SCN2A: variants seen among roughly 807,000 people sequenced by gnomAD.
SCN2A encodes the protein sodium channel protein type 2 subunit alpha.
In SCN2A, 20 loss-of-function variants were observed where a neutral mutation model predicts 188.7. The ratio of observed to expected loss-of-function variants is 0.11; its 90% confidence interval spans 0.07 to 0.15. SCN2A has a LOEUF of 0.15. Among genes scored for constraint, SCN2A ranks in the 10% least tolerant of loss-of-function variants. The probability of loss-of-function intolerance (pLI) is 1.00; values close to 1 mark genes in which losing one functional copy is unlikely to be tolerated. For synonymous variants in SCN2A, 804 were observed against 833.1 expected (o/e 0.97, Z 0.60); for missense variants, 1,278 against 2,445.0 (o/e 0.52, Z 10.07).
intron 1 of SCN2A, among the ~76,000 whole-genome samples, chr2:165,252,795 A>G (rs1574440386): frequency 6.6e-6 from 1 of 151,854 alleles, no homozygotes; most frequent in Non-Finnish European, 1.5e-5. Flanking sequence ...TAAGGGTGGT[A>G]TGATCTGACA....
At chr2:165,298,970 ATCTT>A (rs990468447) in intron 3 of SCN2A, among the ~76,000 whole-genome samples, 3 of 152,182 alleles carry the variant, frequency 2.0e-5, no homozygotes, top group African/African-American at 7.2e-5. Flanking sequence ...ATCAGAAAAA[ATCTT>A]TCTTGTCGTG....
Position 165,353,861 on chromosome 2 carries a change from C to T in SCN2A, c.2920-331C>T, listed in dbSNP as rs192852373. On this transcript the variant is annotated intron_variant, in intron 16 of 26. Coordinates refer to ENST00000375437, the MANE Select transcript of SCN2A (RefSeq NM_001040142.2). ...TGAGACTTGGGAGGGGGCAAATGTC[C>T]AAAATATATCAGCATCCCAAATAAA... Among the ~76,000 whole-genome samples, 356 of 152,122 alleles carry T rather than the reference C, an allele frequency of 2.3e-3. 1 individual carries two copies. Among genetic ancestry groups the T allele is most frequent in the Non-Finnish European group, 4.5e-3 (304 of 67,992 alleles).
At chr2:165,387,798 T>C (rs1401717890) in intron 26 of SCN2A, among the ~76,000 whole-genome samples, 1 of 152,114 alleles carries the variant, frequency 6.6e-6, no homozygotes, top group Non-Finnish European at 1.5e-5. Context: ...AACTACTTTC[T>C]TTAGTCGAAT....
chr2:165,345,468 A>G (rs1699527234), intron 16 of SCN2A, among the ~76,000 whole-genome samples: 1 of 151,912 alleles, frequency 6.6e-6, no homozygotes, highest in Non-Finnish European at 1.5e-5. Flanking sequence ...ACCATTATGT[A>G]GTGTCTTTCT....
intron 22 of SCN2A, among the ~76,000 whole-genome samples, chr2:165,375,337 T>C (rs1440582411): frequency 6.6e-6 from 1 of 151,672 alleles, no homozygotes; most frequent in African/African-American, 2.4e-5. Flanking sequence ...AACAACCTAA[T>C]TGTCCATCAA....
intron 1 of SCN2A, chr2:165,267,828 G>A (rs1023475041): frequency 6.6e-6 from 1 of 151,822 alleles, no homozygotes; most frequent in African/African-American, 2.4e-5. Context: ...CATACAAATG[G>A]CCAACAAGTG....
rs1697695215 is a variant in SCN2A, at chr2:165,315,536, T to C, written c.1449T>C (p.Phe483=). The stretch of plus-strand genomic sequence containing the variant: ...GTGGTGCTGGTGGGATAGGAGTTTT[T>C]TCAGAGAGTTCTTCAGTAGCATCTA... ...DFSGAGGIGV[F]SESSSVASKL... is the part of the protein sequence containing the mutation. The change falls in exon 11 of 27, where the codon TTT becomes TTC. Residue 483 remains phenylalanine (F), a synonymous_variant. Transcript: ENST00000375437. 6.2e-7 allele frequency: 1 copy of C among 1,613,950 alleles called. No homozygotes were observed. Among genetic ancestry groups the C allele is most frequent in the African/African-American group, 1.3e-5 (1 of 74,918 alleles).
At chr2:165,278,579 G>A (rs959228295) in intron 1 of SCN2A, among the ~76,000 whole-genome samples, 11 of 152,246 alleles carry the variant, frequency 7.2e-5, no homozygotes, top group South Asian at 6.2e-4. Context: ...TACCATTTAA[G>A]ATGAGATTTG....
At chr2:165,383,220 C>T (rs1297719300) in intron 25 of SCN2A, among the ~76,000 whole-genome samples, 1 of 151,930 alleles carries the variant, frequency 6.6e-6, no homozygotes, top group Non-Finnish European at 1.5e-5. Context: ...GGGATACTTT[C>T]AGCTGTGAGA....
intron 17 of SCN2A, among the ~76,000 whole-genome samples, chr2:165,364,243 T>C (rs1439083540): frequency 6.6e-6 from 1 of 152,184 alleles, no homozygotes; most frequent in East Asian, 1.9e-4. Context: ...ACTACTCTGA[T>C]TCCTGTGTGG....
chr2:165,383,629 C>G (rs1484805886), intron 25 of SCN2A, among the ~76,000 whole-genome samples: 1 of 152,094 alleles, frequency 6.6e-6, no homozygotes, highest in East Asian at 1.9e-4. Context: ...TGTTTTGGAG[C>G]TATTTCAGAG....
At chr2:165,291,044 T>C (rs1488546077) in intron 1 of SCN2A, among the ~76,000 whole-genome samples, 4 of 135,336 alleles carry the variant, frequency 3.0e-5, no homozygotes, top group Admixed American at 1.5e-4. Context: ...TCTTTTTTTT[T>C]TTTTTTTTTT....
In SCN2A at chr2:165,257,034, C is replaced by A. The variant is rs949185376; in HGVS notation, c.-52+17394C>A. Among the ~76,000 whole-genome samples the A allele has an allele frequency of 3.3e-5, 5 of 152,048 alleles. No individual in the cohort carries two copies. The East Asian group carries it at 5.8e-4, about 18-fold the overall frequency. ...TACAGTGGCCTAAGGAAACTAAGAA[C>A]CAATCACAGCAGAGTTTGTGTAGGT... is the stretch of plus-strand genomic sequence containing the variant. On this transcript the variant is annotated intron_variant, in intron 1 of 26. Transcript: ENST00000375437.
intron 3 of SCN2A, among the ~76,000 whole-genome samples, chr2:165,307,166 G>A (rs921718107): frequency 2.6e-5 from 4 of 152,084 alleles, no homozygotes; most frequent in Admixed American, 1.3e-4. Flanking sequence ...ACGCACTAGG[G>A]CCATTAAGTT....
intron 19 of SCN2A, among the ~76,000 whole-genome samples, 153 bp from the exon 20 acceptor site, chr2:165,369,973 C>T (rs545735408): frequency 6.6e-6 from 1 of 152,248 alleles, no homozygotes; most frequent in Non-Finnish European, 1.5e-5. Context: ...CATTTATGAT[C>T]AGATAATGAT....
chr2:165,359,402 T>C (rs1309924614), intron 17 of SCN2A, among the ~76,000 whole-genome samples: 2 of 152,088 alleles, frequency 1.3e-5, no homozygotes, highest in Admixed American at 6.6e-5. Context: ...ATTTCCTGTT[T>C]AGAAAGATAC....
intron 17 of SCN2A, among the ~76,000 whole-genome samples, chr2:165,363,359 C>G (rs1700561345): frequency 6.6e-6 from 1 of 152,062 alleles, no homozygotes; most frequent in Non-Finnish European, 1.5e-5. Flanking sequence ...CAGTGTGAAC[C>G]TTATTCTTAT....
chr2:165,287,769 G>T (rs1156728135), intron 1 of SCN2A, among the ~76,000 whole-genome samples: 2 of 152,124 alleles, frequency 1.3e-5, no homozygotes, highest in African/African-American at 4.8e-5. Flanking sequence ...TGGAAGTGCA[G>T]CAGGCAGGTG....
Position 165,309,390 on chromosome 2 carries a change from C to T in SCN2A, c.644C>T (p.Ala215Val), listed in dbSNP as rs149024364. The change falls in exon 6 of 27, where the codon GCG (alanine) becomes GTG (valine). Residue 215 changes from alanine (A) to valine (V), a missense_variant. Transcript: ENST00000375437. Reference protein sequence around the residue: ...TEFVDLGNVSALRTFRVLRAL... With the variant: ...TEFVDLGNVSVLRTFRVLRAL... ...TTTGTGGACCTGGGCAATGTCTCAGCGTTGAGAACATTCAGAGTTCTCCGA... is the reference window on the plus strand; with the variant it reads ...TTTGTGGACCTGGGCAATGTCTCAGTGTTGAGAACATTCAGAGTTCTCCGA... The T allele has an allele frequency of 1.9e-6, 3 of 1,613,646 alleles. No individual in the cohort carries two copies. Among genetic ancestry groups the T allele is most frequent in the East Asian group, 2.2e-5 (1 of 44,860 alleles).
Sources: allele counts gnomAD v4.1 joint callset (sites outside exome capture counted in the v4.1 genomes callset), GRCh38; gene constraint gnomAD v4.1.1; transcripts MANE v1.5; gene names NCBI Gene and HGNC (gene_info 2026-07-23, HGNC 2026-07-21).